The following CDON variants were observed in gnomAD, a reference collection of about 807,000 sequenced individuals.
CDON encodes cell adhesion molecule-related/down-regulated by oncogenes.
A neutral mutation model predicts 120.9 loss-of-function variants in CDON; 73 were observed. The observed-to-expected ratio is 0.60, with a 90% confidence interval of 0.50 to 0.73. The LOEUF (loss-of-function observed/expected upper bound fraction) is 0.73. Among genes scored for constraint, CDON ranks in the 30% least tolerant of loss-of-function variants. The pLI is 0.00. For missense variants in CDON, 1,470 were observed against 1,587.3 expected, an observed-to-expected ratio of 0.93 and a Z score of 1.26; for synonymous variants, 566 against 573.5, an observed-to-expected ratio of 0.99 and a Z score of 0.19.
intron 11 of CDON, 104 bp downstream of exon 11, chr11:126,001,615 G>T (rs1042711653): frequency 2.1e-6 from 2 of 946,148 alleles, no homozygotes; most frequent in Non-Finnish European, 3.4e-6. Flanking sequence ...GAACTGTATG[G>T]TAAGATATGA....
rs777130955 is a variant in CDON, at chr11:125,995,012, A to G, written c.2403T>C (p.Tyr801=). 6.2e-7 allele frequency: 1 copy of G among 1,614,202 alleles called. No individual in the cohort carries two copies. The highest frequency in any genetic ancestry group is 8.5e-7 in the Non-Finnish European group (1 of 1,180,016). The stretch of plus-strand genomic sequence containing the variant: ...ATGCTGAACTCCGAAAACTCTCACC[A>G]TAATGGTTGATGGCAATGACCCTAA... ...YKFRVIAINH[Y]GESFRSSASR... Residue 801 remains tyrosine, a synonymous_variant, in exon 13 of 20, where the codon TAT becomes TAC. Coordinates refer to ENST00000531738, the MANE Select transcript of CDON (RefSeq NM_001378964.1).
intron 1 of CDON, among the ~76,000 whole-genome samples, chr11:126,039,678 C>T (rs1345545516): frequency 6.6e-6 from 1 of 152,158 alleles, no homozygotes; most frequent in African/African-American, 2.4e-5. Context: ...TATTCCTCAG[C>T]TCTTCATCCT....
In CDON at chr11:126,010,667, G is replaced by A. The variant is rs748441570; in HGVS notation, c.1226C>T (p.Thr409Met). The A allele has an allele frequency of 1.1e-5, 17 of 1,613,842 alleles. No individual in the cohort carries two copies. Among genetic ancestry groups the A allele is most frequent in the South Asian group, 7.7e-5 (7 of 91,066 alleles). Residue 409 changes from threonine to methionine, a missense_variant, in exon 8 of 20, where the codon ACG becomes ATG. Thr to Met is a moderately conservative substitution (Grantham distance 81). Transcript: ENST00000531738. ...TGCAACCTTTGCACTTACTGGTGCC[G>A]TAATTATAACTGGCTTGAATCCACC... is the stretch of plus-strand genomic sequence containing the variant. ...NDGGFKPVII[T>M]APVSAKVADG...
intron 1 of CDON, among the ~76,000 whole-genome samples, chr11:126,049,443 C>T (rs1948500085): frequency 6.6e-6 from 1 of 152,190 alleles, no homozygotes; most frequent in African/African-American, 2.4e-5. Flanking sequence ...CTGGGAGCTG[C>T]ACTCCACTGC....
At chr11:126,042,661 G>A (rs1412350291) in intron 1 of CDON, among the ~76,000 whole-genome samples, 2 of 152,156 alleles carry the variant, frequency 1.3e-5, no homozygotes, top group African/African-American at 2.4e-5. Context: ...TCGCTCTGCT[G>A]TCCAGGCTAG....
chr11:126,060,241 T>C (rs1292415273), intron 1 of CDON, among the ~76,000 whole-genome samples: 4 of 152,216 alleles, frequency 2.6e-5, no homozygotes, highest in Non-Finnish European at 4.4e-5. Flanking sequence ...ACTCAAAATA[T>C]TTGGCAACCA....
intron 18 of CDON, among the ~76,000 whole-genome samples, chr11:125,977,673 A>C (rs1398781235): frequency 6.6e-6 from 1 of 152,168 alleles, no homozygotes; most frequent in Non-Finnish European, 1.5e-5. Flanking sequence ...CCATAGAGAG[A>C]GGTCGTAGGA....
chr11:126,021,195 C>G, intron 3 of CDON, 53 bp downstream of exon 3: 1 of 1,573,976 alleles, frequency 6.4e-7, no homozygotes, highest in Non-Finnish European at 8.6e-7. Context: ...AATATAAGCA[C>G]TAACAGTAAT....
intron 13 of CDON, 74 bp downstream of exon 13, chr11:125,994,797 G>T: frequency 7.7e-7 from 1 of 1,303,324 alleles, no homozygotes; most frequent in Non-Finnish European, 1.1e-6. Flanking sequence ...TTACTGTATT[G>T]TGTCATGAGA....
In CDON at chr11:125,960,441, A is replaced by C. The variant is rs895949901; in HGVS notation, c.*501T>G. On this transcript the variant is annotated 3_prime_UTR_variant, in exon 20 of 20. Transcript: ENST00000531738. ...TGGGAGGCGGAGGTTGCAGTGAGCC[A>C]AGATCGAGCCATTGCACTCCAGCCT... is the stretch of plus-strand genomic sequence containing the variant. 6.3e-6 allele frequency: 1 copy of C among 158,896 alleles called. No homozygotes were observed. The highest frequency in any genetic ancestry group is 2.4e-5 in the African/African-American group (1 of 41,486). The allele number at this position is 158,896 out of a possible 1,614,324, so 9.8% of individuals were successfully genotyped here. A position where few individuals can be genotyped will look rare whatever the true frequency, so the allele number is the denominator to read the frequency against.
chr11:126,014,005 ATTTC>A (rs995433738), intron 7 of CDON, among the ~76,000 whole-genome samples: 2 of 152,022 alleles, frequency 1.3e-5, no homozygotes, highest in African/African-American at 4.8e-5. Context: ...TTCCATTATG[ATTTC>A]TTTTTTTGAT....
rs538350854 is a variant in CDON at position 126,034,194 on chromosome 11, C to T, written c.-61-10657G>A. On this transcript the variant is annotated intron_variant, in intron 1 of 19. Coordinates refer to ENST00000531738, the MANE Select transcript of CDON (RefSeq NM_001378964.1). The surrounding 1 kb of genome is among the most constrained non-coding windows in gnomAD (Gnocchi z 4.5). The stretch of plus-strand genomic sequence containing the variant: ...TCCCCCACTTCTCCCAAGTCTCAGT[C>T]GAGTCAGCCAAGCATACAAACGATC... Among the ~76,000 whole-genome samples the T allele has an allele frequency of 1.1e-4, 16 of 152,230 alleles. No homozygotes were observed. The highest frequency in any genetic ancestry group is 3.9e-4 in the East Asian group (2 of 5,178).
rs771114194 is a variant in CDON at position 125,994,916 on chromosome 11, T to G, written c.2499A>C (p.Ala833=). The G allele has an allele frequency of 6.2e-7, 1 of 1,614,126 alleles. No homozygotes were observed. Among genetic ancestry groups the G allele is most frequent in the Admixed American group, 1.7e-5 (1 of 60,020 alleles). Residue 833 remains alanine (A), a synonymous_variant, in exon 13 of 20, where the codon GCA becomes GCC. Coordinates refer to ENST00000531738, the MANE Select transcript of CDON (RefSeq NM_001378964.1). The part of the protein sequence containing the change: ...SSRPITGPHI[A]YTEAVSDTQI... ...GAGTATCGCTGACAGCCTCTGTGTA[T>G]GCAATGTGAGGTCCAGTTATTGGAC...
rs764335307 is a variant in CDON at position 125,960,783 on chromosome 11, C to G, written c.*159G>C. Reference sequence around the variant, plus strand: ...TTAAGGCATAAATAATATAAAAGGGCACACGTTTTAAGATACATTCATATG... The same window carrying G: ...TTAAGGCATAAATAATATAAAAGGGGACACGTTTTAAGATACATTCATATG... On this transcript the variant is annotated 3_prime_UTR_variant, in exon 20 of 20. Coordinates refer to ENST00000531738, the MANE Select transcript of CDON (RefSeq NM_001378964.1). 4.2e-6 allele frequency: 3 copies of G among 711,540 alleles called. No homozygotes were observed. The highest frequency in any genetic ancestry group is 7.5e-6 in the Non-Finnish European group (3 of 402,286). 44.1% of individuals were successfully genotyped at this position (711,540 alleles called of 1,614,324 possible).
chr11:125,998,489 A>G (rs500799), intron 11 of CDON, among the ~76,000 whole-genome samples: 96,582 of 151,880 alleles, frequency 0.64, 30,811 homozygotes, highest in Admixed American at 0.65. Flanking sequence ...ACCTCCCACC[A>G]TGACTGTAAC....
At chr11:125,971,004 G>A (rs910368066) in intron 18 of CDON, among the ~76,000 whole-genome samples, 1 of 152,142 alleles carries the variant, frequency 6.6e-6, no homozygotes, top group Non-Finnish European at 1.5e-5. Context: ...TCTGCTGGAA[G>A]AAAAAGCTCA....
At chr11:125,978,795 G>A (rs1448189499) in intron 17 of CDON, among the ~76,000 whole-genome samples, 2 of 152,064 alleles carry the variant, frequency 1.3e-5, no homozygotes, top group Non-Finnish European at 1.5e-5. Flanking sequence ...GGAGAAACAG[G>A]GTGTAAAACC....
At position 126,034,757 on chromosome 11, in the gene CDON, T is replaced by C. The variant is rs1463151038; in HGVS notation, c.-61-11220A>G. 1.3e-5 allele frequency among the ~76,000 whole-genome samples: 2 copies of C among 151,960 alleles called. No homozygotes were observed. The highest frequency in any genetic ancestry group is 2.9e-5 in the Non-Finnish European group (2 of 68,006). On this transcript the variant is annotated intron_variant, in intron 1 of 19. Coordinates refer to ENST00000531738, the MANE Select transcript of CDON (RefSeq NM_001378964.1). This position sits in a 1 kb window ranked among gnomAD's most constrained non-coding sequence, Gnocchi z 4.5. ...TATTAAAAAGACAAAATATAGAAAA[T>C]TTCAAGGGGATTATTTTGCAAGTCC...
intron 18 of CDON, among the ~76,000 whole-genome samples, chr11:125,970,446 T>C (rs948071154): frequency 2.0e-5 from 3 of 152,124 alleles, no homozygotes; most frequent in Admixed American, 6.5e-5. Flanking sequence ...GTGCTGGGAT[T>C]ACAGACGTGA....
Sources: allele counts gnomAD v4.1 joint callset (sites outside exome capture counted in the v4.1 genomes callset), GRCh38; gene constraint gnomAD v4.1.1; non-coding constraint Gnocchi (gnomAD v3.1); transcripts MANE v1.5; gene names NCBI Gene and HGNC (gene_info 2026-07-23, HGNC 2026-07-21).